Variants in AFAP1L2 observed in about 807,000 individuals in gnomAD.
The protein encoded by AFAP1L2 is actin filament-associated protein 1-like 2.
A neutral mutation model predicts 99.3 loss-of-function variants in AFAP1L2; 46 were observed. The observed-to-expected ratio is 0.46, with a 90% confidence interval of 0.37 to 0.59. The LOEUF (loss-of-function observed/expected upper bound fraction) is 0.59. Ranked by LOEUF, AFAP1L2 falls within the 20% of genes least tolerant of loss-of-function variation. The probability of loss-of-function intolerance (pLI) is 0.00; values close to 1 mark genes in which losing one functional copy is unlikely to be tolerated. For missense variants in AFAP1L2, 959 were observed against 1,034.9 expected (o/e 0.93, Z 1.01); for synonymous variants, 397 against 419.1 (o/e 0.95, Z 0.64).
intron 1 of AFAP1L2, among the ~76,000 whole-genome samples, chr10:114,380,653 A>G (rs2137388718): frequency 6.6e-6 from 1 of 152,378 alleles, no homozygotes. Context: ...CATCCACAGC[A>G]CATGAATGGA....
the AFAP1L2 span, chr10:114,281,609 C>T: frequency 2.6e-6 from 1 of 383,708 alleles, no homozygotes; most frequent in Non-Finnish European, 3.6e-6. Flanking sequence ...CCTGAGAAGT[C>T]ATTGAGTCCA....
At chr10:114,355,438 C>G (rs771004886) in intron 1 of AFAP1L2, among the ~76,000 whole-genome samples, 2 of 151,840 alleles carry the variant, frequency 1.3e-5, no homozygotes, top group Non-Finnish European at 2.9e-5. Context: ...CATCCCTGTG[C>G]GACTCTCCAT....
intron 1 of AFAP1L2, among the ~76,000 whole-genome samples, chr10:114,357,081 G>C (rs1317113054): frequency 6.6e-6 from 1 of 152,136 alleles, no homozygotes; most frequent in Non-Finnish European, 1.5e-5. Flanking sequence ...TTGGACCATT[G>C]TTTTTCTTTA....
Position 114,398,413 on chromosome 10 carries a change from T to C in AFAP1L2, c.16+6027A>G, listed in dbSNP as rs557050296. On this transcript the variant is annotated intron_variant, in intron 1 of 18. Coordinates refer to ENST00000304129, the MANE Select transcript of AFAP1L2 (RefSeq NM_001001936.3). ...CCCCAACTTATATCTCCCAACAGCA[T>C]TGAAAAGCACACAGTGGGCAGAGCC... Among the ~76,000 whole-genome samples, 5 of 152,276 alleles carry C rather than the reference T, an allele frequency of 3.3e-5. No homozygotes were observed. In the South Asian group the frequency reaches 1.0e-3, roughly 32 times the overall value.
intron 1 of AFAP1L2, among the ~76,000 whole-genome samples, chr10:114,368,939 T>C (rs567891024): frequency 1.3e-5 from 2 of 152,218 alleles, no homozygotes; most frequent in South Asian, 4.2e-4. Flanking sequence ...TATTTGTCAA[T>C]TATGTCTCAA....
downstream of AFAP1L2, chr10:114,291,082 C>T (rs1419597300): frequency 9.7e-7 from 1 of 1,034,030 alleles, no homozygotes; most frequent in African/African-American, 1.6e-5. Flanking sequence ...CATGGGGTCT[C>T]TAATCTGGCA....
chr10:114,288,899 G>A, the AFAP1L2 span: 1 of 1,567,278 alleles, frequency 6.4e-7, no homozygotes, highest in Non-Finnish European at 8.7e-7. Flanking sequence ...GCTCTGACTG[G>A]CACATCCACT....
At chr10:114,320,861 G>A (rs920130561) in intron 5 of AFAP1L2, among the ~76,000 whole-genome samples, 2 of 152,196 alleles carry the variant, frequency 1.3e-5, no homozygotes, top group South Asian at 2.1e-4. Flanking sequence ...CACCTTCAAC[G>A]CGCATCCAGA....
intron 6 of AFAP1L2, 33 bp from the exon 7 acceptor site, chr10:114,314,083 C>T: frequency 6.3e-7 from 1 of 1,589,306 alleles, no homozygotes; most frequent in South Asian, 1.1e-5. Flanking sequence ...CACCACTTTG[C>T]CAGGGGTGCC....
At position 114,335,006 on chromosome 10, in the gene AFAP1L2, A is replaced by T. The variant is rs781704885; in HGVS notation, c.146-1711T>A. On this transcript the variant is annotated intron_variant, in intron 2 of 18. Transcript: ENST00000304129. The stretch of plus-strand genomic sequence containing the variant: ...GAAAGGTAAGGTAACCTTACAACTA[A>T]GATGAAAAATGACAGCTTAAAACAT... Among the ~76,000 whole-genome samples the T allele has an allele frequency of 4.8e-4, 73 of 152,384 alleles. 1 individual carries two copies. Among genetic ancestry groups the T allele is most frequent in the Middle Eastern group, 3.4e-3 (1 of 294 alleles).
intron 1 of AFAP1L2, among the ~76,000 whole-genome samples, chr10:114,372,805 T>C (rs1027587171): frequency 2.0e-5 from 3 of 152,164 alleles, no homozygotes; most frequent in African/African-American, 7.2e-5. Flanking sequence ...TCCAGGAATT[T>C]CCTATGCATA....
intron 1 of AFAP1L2, among the ~76,000 whole-genome samples, chr10:114,354,785 C>T (rs1381735296): frequency 6.6e-6 from 1 of 152,184 alleles, no homozygotes; most frequent in Non-Finnish European, 1.5e-5. Flanking sequence ...AGAGACAAAG[C>T]CCTGACCACA....
Position 114,304,862 on chromosome 10 carries a change from G to C in AFAP1L2, c.1141C>G (p.His381Asp), listed in dbSNP as rs1177861974. Residue 381 changes from histidine (H) to aspartate (D), a missense_variant, in exon 11 of 19, where the codon CAC (histidine) becomes GAC (aspartate). His to Asp is a moderately conservative substitution (Grantham distance 81). Coordinates refer to ENST00000304129, the MANE Select transcript of AFAP1L2 (RefSeq NM_001001936.3). ...RWCSVRDNHL[H>D]FYQDRNRSKV... is the part of the protein sequence containing the mutation. Reference sequence around the variant, plus strand: ...CTCCGGTTCCGGTCCTGGTAGAAGTGCAGGTGATTGTCCCTGACAGAGCAC... The same window carrying C: ...CTCCGGTTCCGGTCCTGGTAGAAGTCCAGGTGATTGTCCCTGACAGAGCAC... The C allele has an allele frequency of 1.2e-6, 2 of 1,613,382 alleles. No homozygotes were observed. The highest frequency in any genetic ancestry group is 1.7e-6 in the Non-Finnish European group (2 of 1,180,040).
chr10:114,308,882 G>A (rs1383465868), intron 8 of AFAP1L2, among the ~76,000 whole-genome samples: 5 of 152,170 alleles, frequency 3.3e-5, no homozygotes, highest in Admixed American at 6.5e-5. Flanking sequence ...GAGCTGGTTC[G>A]TCTGCACAGG....
At chr10:114,386,265 G>T (rs1353958909) in intron 1 of AFAP1L2, among the ~76,000 whole-genome samples, 1 of 152,116 alleles carries the variant, frequency 6.6e-6, no homozygotes, top group Non-Finnish European at 1.5e-5. Context: ...ACTGGGCATG[G>T]TGGCATGCAT....
intron 1 of AFAP1L2, among the ~76,000 whole-genome samples, chr10:114,351,186 T>C (rs1355655026): frequency 6.6e-6 from 1 of 152,190 alleles, no homozygotes; most frequent in African/African-American, 2.4e-5. Flanking sequence ...CAATTATCTT[T>C]TGGTGGAGGG....
At chr10:114,294,365 G>A (rs1464513525), downstream of AFAP1L2, among the ~76,000 whole-genome samples, 1 of 152,068 alleles carries the variant, frequency 6.6e-6, no homozygotes, top group Non-Finnish European at 1.5e-5. Flanking sequence ...AATCTTGTCA[G>A]TATCTGTATT....
At chr10:114,307,982 T>A in intron 9 of AFAP1L2, 73 bp from the exon 10 acceptor site, 1 of 1,347,236 alleles carries the variant, frequency 7.4e-7, no homozygotes, top group Admixed American at 1.7e-5. Flanking sequence ...ATGGAAAAAA[T>A]AGCAAACCCA....
At position 114,301,372 on chromosome 10, in the gene AFAP1L2, C is replaced by T. The variant is rs1379206344; in HGVS notation, c.1524G>A (p.Leu508=). 2 of 1,614,038 alleles carry T rather than the reference C, an allele frequency of 1.2e-6. No individual in the cohort carries two copies. The highest frequency in any genetic ancestry group is 1.7e-5 in the Admixed American group (1 of 60,012). The change falls in exon 13 of 19, where the codon CTG becomes CTA. Residue 508 remains leucine, a synonymous_variant. Transcript: ENST00000304129. ...RQEELYDDVD[L]SELTAAVEPT... ...TCCTTACCGCAGCTGTGAGCTCTGACAGGTCCACGTCGTCATACAGCTCCT... is the reference window on the plus strand; with the variant it reads ...TCCTTACCGCAGCTGTGAGCTCTGATAGGTCCACGTCGTCATACAGCTCCT...
Sources: gnomAD v4.1 joint callset for allele counts (sites outside exome capture counted in the v4.1 genomes callset) on GRCh38, gnomAD v4.1.1 for gene constraint, MANE v1.5 for transcripts, NCBI Gene and HGNC (gene_info 2026-07-23, HGNC 2026-07-21) for gene names.